KCNMB3: variants seen among roughly 807,000 people sequenced by gnomAD.
KCNMB3 encodes potassium calcium-activated channel subfamily M regulatory beta subunit 3.
In KCNMB3, 18 loss-of-function variants were observed where a neutral mutation model predicts 11.9. That is an observed-to-expected ratio of 1.51 (90% confidence interval 1.04 to 2.23). The LOEUF is 2.23. Ranked by LOEUF, KCNMB3 falls within the 30% of genes most tolerant of loss-of-function variation. The pLI is 0.00. For synonymous variants in KCNMB3, 78 were observed against 119.2 expected (o/e 0.65, Z 2.25); for missense variants, 247 against 329.4 (o/e 0.75, Z 1.94).
intron 1 of KCNMB3, among the ~76,000 whole-genome samples, chr3:179,250,209 G>GAAA (rs906956360): frequency 6.6e-5 from 10 of 152,244 alleles, no homozygotes; most frequent in African/African-American, 2.2e-4. Flanking sequence ...AGGCACAGAA[G>GAAA]AAAATCCATT....
At chr3:179,244,853 A>G (rs1228992383) in intron 1 of KCNMB3, among the ~76,000 whole-genome samples, 160 bp from the exon 2 acceptor site, 7 of 152,200 alleles carry the variant, frequency 4.6e-5, no homozygotes, top group Admixed American at 4.6e-4. Context: ...GGCACATAAT[A>G]AACAGGGAGC....
intron 1 of KCNMB3, among the ~76,000 whole-genome samples, chr3:179,261,458 G>A (rs568294362): frequency 1.1e-3 from 173 of 152,034 alleles, no homozygotes; most frequent in African/African-American, 4.0e-3. Context: ...GCGGGACTGG[G>A]CTCGGGCGCA....
chr3:179,244,788 G>A (rs1316397351), intron 1 of KCNMB3, 95 bp from the exon 2 acceptor site: 4 of 1,049,994 alleles, frequency 3.8e-6, no homozygotes, highest in Admixed American at 4.3e-5. Flanking sequence ...AATGCCCAAG[G>A]CATTTGTGTA....
In KCNMB3 at chr3:179,246,373, C is replaced by T. The variant is rs537686238; in HGVS notation, c.249-1680G>A. ...GTTGCAGTGAGCCAAGATTGTGCCA[C>T]TGCACTCCAGCCAGGGCAACAGAGG... On this transcript the variant is annotated intron_variant, in intron 1 of 2. Transcript: ENST00000392685. Among the ~76,000 whole-genome samples, 60 of 152,062 alleles carry T rather than the reference C, an allele frequency of 3.9e-4. No homozygotes were observed. The South Asian group carries it at 0.012, about 32-fold the overall frequency.
At chr3:179,266,728 A>G (rs1726380053) in exon 1 of KCNMB3, 2 of 1,613,524 alleles carry the variant, frequency 1.2e-6, no homozygotes, top group Non-Finnish European at 1.7e-6. Context: ...GGGGTCTGAG[A>G]AAATGGCTCC....
chr3:179,251,664 G>T, upstream of KCNMB3: 1 of 1,239,294 alleles, frequency 8.1e-7, no homozygotes, highest in South Asian at 3.9e-5. Flanking sequence ...CAAACCGGTG[G>T]GCATGGCGGC....
chr3:179,251,089 T>G lies in KCNMB3; in HGVS notation c.-99A>C. ...CAAAATGAAATCCCAGTTCAGAGCT[T>G]GGTGAAAAGTCCATCTAAATAAGCT... is the stretch of plus-strand genomic sequence containing the variant. On this transcript the variant is annotated 5_prime_UTR_variant, in exon 1 of 3. Coordinates refer to ENST00000392685, the MANE Select transcript of KCNMB3 (RefSeq NM_171830.2). 1 of 1,614,182 alleles carries G rather than the reference T, an allele frequency of 6.2e-7. No homozygotes were observed.
At chr3:179,264,633 A>C (rs1726317319) in intron 1 of KCNMB3, among the ~76,000 whole-genome samples, 1 of 152,186 alleles carries the variant, frequency 6.6e-6, no homozygotes, top group Non-Finnish European at 1.5e-5. Flanking sequence ...AGGCAAACTC[A>C]ATTACAAACA....
intron 1 of KCNMB3, chr3:179,261,334 C>CA: frequency 3.4e-6 from 4 of 1,182,376 alleles, no homozygotes; most frequent in Non-Finnish European, 4.2e-6. Flanking sequence ...CCGGAGCCCC[C>CA]CCCCGCGGGC....
At chr3:179,246,505 C>G (rs1167334102) in intron 1 of KCNMB3, among the ~76,000 whole-genome samples, 1 of 152,080 alleles carries the variant, frequency 6.6e-6, no homozygotes, top group South Asian at 2.1e-4. Context: ...ATCATTTTCC[C>G]TTATTAATAT....
At chr3:179,248,014 G>A (rs1725703429) in intron 1 of KCNMB3, among the ~76,000 whole-genome samples, 1 of 151,572 alleles carries the variant, frequency 6.6e-6, no homozygotes, top group East Asian at 1.9e-4. Flanking sequence ...ACCCTGAACT[G>A]ACCTGGCCCC....
chr3:179,246,082 T>C (rs1725633183), intron 1 of KCNMB3, among the ~76,000 whole-genome samples: 1 of 152,152 alleles, frequency 6.6e-6, no homozygotes, highest in South Asian at 2.1e-4. Context: ...TCCTTAAACA[T>C]AATAAGTTAG....
At chr3:179,246,419 A>T (rs1275665429) in intron 1 of KCNMB3, among the ~76,000 whole-genome samples, 1 of 152,170 alleles carries the variant, frequency 6.6e-6, no homozygotes, top group African/African-American at 2.4e-5. Flanking sequence ...CCCAAAAAAA[A>T]AAAAGTAAGA....
At chr3:179,263,964 C>A (rs1726303521) in intron 1 of KCNMB3, among the ~76,000 whole-genome samples, 1 of 151,708 alleles carries the variant, frequency 6.6e-6, no homozygotes, top group Admixed American at 6.6e-5. Context: ...GGCTACCACG[C>A]CCAGCTAATT....
chr3:179,242,733 T>G (rs1725494755), downstream of KCNMB3: 4 of 1,080,780 alleles, frequency 3.7e-6, no homozygotes, highest in South Asian at 9.2e-5. Context: ...TTGTATGTAT[T>G]TATAGAAATA....
chr3:179,260,142 T>C (rs1184266748), intron 1 of KCNMB3: 6 of 1,608,106 alleles, frequency 3.7e-6, no homozygotes, highest in Admixed American at 3.3e-5. Context: ...TGTGTCTGCC[T>C]GCTCTCCAAC....
At chr3:179,241,804 T>G (rs1217016967), downstream of KCNMB3, 1 of 154,152 alleles carries the variant, frequency 6.5e-6, no homozygotes, top group Admixed American at 6.5e-5. Flanking sequence ...CAAAAATAAT[T>G]GCGGTTTTTC....
intron 1 of KCNMB3, chr3:179,259,041 T>C (rs1176793569): frequency 3.1e-6 from 5 of 1,613,126 alleles, no homozygotes; most frequent in Non-Finnish European, 4.2e-6. Context: ...ACGGTCTTCT[T>C]TGCTTTTGCC....
At chr3:179,262,171 T>G (rs1396909295) in intron 1 of KCNMB3, among the ~76,000 whole-genome samples, 1 of 152,186 alleles carries the variant, frequency 6.6e-6, no homozygotes, top group Non-Finnish European at 1.5e-5. Context: ...AACAAACCAG[T>G]AGGGTAATAG....
Sources: allele counts gnomAD v4.1 joint callset (sites outside exome capture counted in the v4.1 genomes callset), GRCh38; gene constraint gnomAD v4.1.1; transcripts MANE v1.5; gene names NCBI Gene and HGNC (gene_info 2026-07-23, HGNC 2026-07-21).